CEP295NL: variants seen among roughly 807,000 people sequenced by gnomAD.
The protein encoded by CEP295NL is protein DDC8 homolog.
CEP295NL carries 3 observed loss-of-function variants against 4.6 expected under a neutral mutation model. That is an observed-to-expected ratio of 0.65 (90% CI 0.30 to 1.69). CEP295NL has a LOEUF of 1.69. Ranked by LOEUF, CEP295NL falls within the 40% of genes most tolerant of loss-of-function variation. CEP295NL has a pLI of 0.10. For missense variants in CEP295NL, 719 were observed against 769.0 expected, an observed-to-expected ratio of 0.93 and a Z score of 0.77; for synonymous variants, 295 against 312.2, an observed-to-expected ratio of 0.94 and a Z score of 0.58.
At chr17:78,894,216 G>A (rs1369295368) in intron 2 of CEP295NL, among the ~76,000 whole-genome samples, 4 of 152,032 alleles carry the variant, frequency 2.6e-5, no homozygotes, top group African/African-American at 7.2e-5. Context: ...CACAGACAGG[G>A]AAACTGAGGC....
rs1366666313 is a variant in CEP295NL at position 78,892,252 on chromosome 17, T to A, written c.252A>T (p.Gln84His). The A allele has an allele frequency of 1.3e-6, 2 of 1,550,758 alleles. No homozygotes were observed. The highest frequency in any genetic ancestry group is 2.7e-5 in the African/African-American group (2 of 73,064). Residue 84 changes from glutamine to histidine, a missense_variant, in exon 3 of 3, where the codon CAA becomes CAT. Physicochemically the swap from Gln to His is conservative, Grantham distance 24 (BLOSUM62 0). Transcript: ENST00000322630. ...GAGCGAGATCGCCTTTGCCCCGGGC[T>A]TGTAGCAATTTGTGCTTTTTCCTCC... ...LLWRKKHKLL[Q>H]ARGKGDLALQ...
chr17:78,891,252 C>T lies in CEP295NL; in HGVS notation c.1252G>A (p.Ala418Thr), dbSNP rs879009541. ...SPAEEEAQQAASKTDLKTFMG... is the reference protein window; with the variant it reads ...SPAEEEAQQATSKTDLKTFMG... ...AACGTTTTCAAGTCGGTCTTGGACGCTGCCTGCTGCGCCTCCTCCTCTGCT... is the reference window on the plus strand; with the variant it reads ...AACGTTTTCAAGTCGGTCTTGGACGTTGCCTGCTGCGCCTCCTCCTCTGCT... Residue 418 changes from alanine (A) to threonine (T), a missense_variant, in exon 3 of 3, where the codon GCG becomes ACG. Ala to Thr is a moderately conservative substitution (Grantham distance 58, BLOSUM62 0). Transcript: ENST00000322630. The surrounding 1 kb of genome is among the most constrained non-coding windows in gnomAD (Gnocchi z 4.5). 1.9e-6 allele frequency: 3 copies of T among 1,550,542 alleles called. No homozygotes were observed. The Admixed American group carries it at 5.9e-5, about 30-fold the overall frequency.
chr17:78,903,144 C>G lies in CEP295NL; in HGVS notation c.-109G>C, dbSNP rs553929904. On this transcript the variant is annotated 5_prime_UTR_variant, in exon 1 of 3. Transcript: ENST00000322630. Reference sequence around the variant, plus strand: ...CAGGGGCCCACTGACCAAAGGTGGCCGGAATCGCTTCCCCGCCTCCACCTG... The same window carrying G: ...CAGGGGCCCACTGACCAAAGGTGGCGGGAATCGCTTCCCCGCCTCCACCTG... 1 of 152,496 alleles carries G rather than the reference C, an allele frequency of 6.6e-6. No individual in the cohort carries two copies. Among genetic ancestry groups the G allele is most frequent in the Non-Finnish European group, 1.5e-5 (1 of 68,286 alleles). The allele number at this position is 152,496 out of a possible 1,614,324, so 9.4% of individuals were successfully genotyped here.
At position 78,896,466 on chromosome 17, in the gene CEP295NL, G is replaced by A. The variant is rs117689053; in HGVS notation, c.45-4007C>T. Among the ~76,000 whole-genome samples, 4 of 152,234 alleles carry A rather than the reference G, an allele frequency of 2.6e-5. No homozygotes were observed. In the East Asian group the frequency reaches 5.8e-4, roughly 22 times the overall value. On this transcript the variant is annotated intron_variant, in intron 2 of 2. Transcript: ENST00000322630. The surrounding 1 kb of genome is among the most constrained non-coding windows in gnomAD (Gnocchi z 4.4). Reference sequence around the variant, plus strand: ...AGCCATGGTTCCAATCAGGGCCCTCGCTACAGCTCCCCTCCCAGAGGCACC... The same window carrying A: ...AGCCATGGTTCCAATCAGGGCCCTCACTACAGCTCCCCTCCCAGAGGCACC...
At position 78,891,027 on chromosome 17, in the gene CEP295NL, C is replaced by T; in HGVS notation, c.1477G>A (p.Ala493Thr). The T allele has an allele frequency of 1.3e-6, 2 of 1,551,196 alleles. No homozygotes were observed. The highest frequency in any genetic ancestry group is 1.7e-6 in the Non-Finnish European group (2 of 1,147,128). Residue 493 changes from alanine (A) to threonine (T), a missense_variant, in exon 3 of 3, where the codon GCA becomes ACA. Ala to Thr is a moderately conservative substitution (Grantham distance 58). Transcript: ENST00000322630. The surrounding 1 kb of genome is among the most constrained non-coding windows in gnomAD (Gnocchi z 4.5). ...GSLQLHLQDQ[A>T]DRVGSTASRQ... is the part of the protein sequence containing the mutation. ...GATGCCGTCGAGCCCACTCTGTCTGCCTGGTCTTGAAGGTGGAGCTGAAGG... is the reference window on the plus strand; with the variant it reads ...GATGCCGTCGAGCCCACTCTGTCTGTCTGGTCTTGAAGGTGGAGCTGAAGG...
Position 78,890,801 on chromosome 17 carries a change from T to C in CEP295NL, c.1703A>G (p.Glu568Gly). The change falls in exon 3 of 3, where the codon GAG (glutamate) becomes GGG (glycine). Residue 568 changes from glutamate (E) to glycine (G), a missense_variant. By Grantham distance (98) the Glu-to-Gly change is moderately conservative. Transcript: ENST00000322630. ...GCCCGATGGGGAAGTGGTGCTGAGC[T>C]CAGATCCTCTCTCCCTTTCCTGGGC... ...TRAQERERGS[E>G]LSTTSPSGTS... The C allele has an allele frequency of 1.3e-6, 2 of 1,550,642 alleles. No individual in the cohort carries two copies. Among genetic ancestry groups the C allele is most frequent in the Non-Finnish European group, 1.7e-6 (2 of 1,147,006 alleles).
In CEP295NL at chr17:78,892,097, C is replaced by T. The variant is rs763773404; in HGVS notation, c.407G>A (p.Arg136His). 7.2e-5 allele frequency: 111 copies of T among 1,551,722 alleles called. No individual in the cohort carries two copies. Among genetic ancestry groups the T allele is most frequent in the Admixed American group, 9.8e-5 (5 of 51,062 alleles). ...VGGLDRLQSA[R>H]LLGWGGGRAR... Reference sequence around the variant, plus strand: ...CCGTCCTCCTCCCCAGCCCAACAGACGTGCTGACTGCAGCCTGTCCAGGCC... The same window carrying T: ...CCGTCCTCCTCCCCAGCCCAACAGATGTGCTGACTGCAGCCTGTCCAGGCC... Residue 136 changes from arginine (R) to histidine (H), a missense_variant, in exon 3 of 3, where the codon CGT (arginine) becomes CAT (histidine). Arg to His is a conservative substitution (Grantham distance 29). Transcript: ENST00000322630.
chr17:78,901,216 G>A (rs560818852), intron 2 of CEP295NL: 23 of 154,408 alleles, frequency 1.5e-4, no homozygotes, highest in Admixed American at 2.5e-4. Context: ...ACGGGCAGAC[G>A]TGGAGCTAAA....
intron 2 of CEP295NL, 34 bp downstream of exon 2, chr17:78,901,751 C>T (rs1388803556): frequency 1.4e-6 from 1 of 717,296 alleles, no homozygotes; most frequent in Non-Finnish European, 2.6e-6. Context: ...ACGAGAAGCA[C>T]CTGAAATGCT....
At position 78,891,295 on chromosome 17, in the gene CEP295NL, G is replaced by A. The variant is rs533680005; in HGVS notation, c.1209C>T (p.Ala403=). The part of the protein sequence containing the change: ...KKMADPEMLP[A]GEPRSPAEEE... ...CCTCTGCTGGGCTCCTGGGTTCCCC[G>A]GCAGGCAGCATCTCTGGGTCTGCCA... Residue 403 remains alanine, a synonymous_variant, in exon 3 of 3, where the codon GCC becomes GCT. Coordinates refer to ENST00000322630, the MANE Select transcript of CEP295NL (RefSeq NM_001243540.2). The surrounding 1 kb of genome is among the most constrained non-coding windows in gnomAD (Gnocchi z 4.5). 1.1e-5 allele frequency: 17 copies of A among 1,550,550 alleles called. No homozygotes were observed. Among genetic ancestry groups the A allele is most frequent in the African/African-American group, 4.1e-5 (3 of 73,148 alleles).
chr17:78,891,649 T>G lies in CEP295NL; in HGVS notation c.855A>C (p.Ala285=). The G allele has an allele frequency of 6.4e-7, 1 of 1,551,012 alleles. No individual in the cohort carries two copies. Among genetic ancestry groups the G allele is most frequent in the Non-Finnish European group, 8.7e-7 (1 of 1,147,096 alleles). ...RAGRRQLGKG[A]VCFVPALTSR... Reference sequence around the variant, plus strand: ...TGGTCAGGGCTGGAACAAAGCAAACTGCCCCCTTTCCCAGTTGCCTCCTCC... The same window carrying G: ...TGGTCAGGGCTGGAACAAAGCAAACGGCCCCCTTTCCCAGTTGCCTCCTCC... The change falls in exon 3 of 3, where the codon GCA becomes GCC. Residue 285 remains alanine, a synonymous_variant. Coordinates refer to ENST00000322630, the MANE Select transcript of CEP295NL (RefSeq NM_001243540.2). This position sits in a 1 kb window ranked among gnomAD's most constrained non-coding sequence, Gnocchi z 4.5.
chr17:78,894,087 C>T (rs1165286052), intron 2 of CEP295NL, among the ~76,000 whole-genome samples: 1 of 152,190 alleles, frequency 6.6e-6, no homozygotes, highest in Non-Finnish European at 1.5e-5. Context: ...TCAGAAAATA[C>T]TGCATCTACA....
chr17:78,893,592 TATGC>T (rs1568001381), intron 2 of CEP295NL, among the ~76,000 whole-genome samples: 1 of 151,996 alleles, frequency 6.6e-6, no homozygotes, highest in African/African-American at 2.4e-5. Flanking sequence ...TGTGTGTATG[TATGC>T]ATGTCTGTGT....
intron 2 of CEP295NL, among the ~76,000 whole-genome samples, chr17:78,895,758 A>G (rs940709058): frequency 1.3e-5 from 2 of 152,068 alleles, no homozygotes; most frequent in Non-Finnish European, 2.9e-5. Flanking sequence ...GGCCACAGGG[A>G]TGTCCAATTA....
At chr17:78,893,405 G>GTGTGCGCGTGGAGGTA (rs139652180) in intron 2 of CEP295NL, among the ~76,000 whole-genome samples, 1 of 128,298 alleles carries the variant, frequency 7.8e-6, no homozygotes. Context: ...ATGCAGGGGT[G>GTGTGCGCGTGGAGGTA]TGTGTGCATA....
At chr17:78,900,761 C>G (rs557980269) in intron 2 of CEP295NL, among the ~76,000 whole-genome samples, 15 of 152,154 alleles carry the variant, frequency 9.9e-5, no homozygotes, top group Admixed American at 9.2e-4. Context: ...CCAAATCTTA[C>G]AAGATAAAAA....
chr17:78,893,252 T>C (rs1361784856), intron 2 of CEP295NL, among the ~76,000 whole-genome samples: 1 of 141,012 alleles, frequency 7.1e-6, no homozygotes, highest in Non-Finnish European at 1.5e-5. Context: ...TGTAGGAGTG[T>C]GTGTGCAGGG....
chr17:78,902,582 G>A (rs2070111529), intron 1 of CEP295NL: 1 of 152,466 alleles, frequency 6.6e-6, no homozygotes, highest in African/African-American at 2.4e-5. Flanking sequence ...GGTGGAGATG[G>A]TTGGGCAGGC....
chr17:78,892,425 A>G lies in CEP295NL; in HGVS notation c.79T>C (p.Ser27Pro). ...GGTTCAAGGGGCGCCCCCGGGCCTG[A>G]GGAGCCACAGAAGCCACAACGTTCC... Reference protein sequence around the residue: ...AVERCGFCGSSGPGAPLEPST... With the variant: ...AVERCGFCGSPGPGAPLEPST... Residue 27 changes from serine to proline, a missense_variant, in exon 3 of 3, where the codon TCA (serine) becomes CCA (proline). By Grantham distance (74) the Ser-to-Pro change is moderately conservative (BLOSUM62 -1). Transcript: ENST00000322630. 6.5e-7 allele frequency: 1 copy of G among 1,548,920 alleles called. No individual in the cohort carries two copies. Among genetic ancestry groups the G allele is most frequent in the East Asian group, 2.4e-5 (1 of 40,904 alleles).
Sources: gnomAD v4.1 joint callset for allele counts (sites outside exome capture counted in the v4.1 genomes callset) on GRCh38, gnomAD v4.1.1 for gene constraint, Gnocchi (gnomAD v3.1) non-coding constraint, MANE v1.5 for transcripts, NCBI Gene and HGNC (gene_info 2026-07-23, HGNC 2026-07-21) for gene names.